Variants in CACNA1G observed in about 807,000 individuals in gnomAD.
The protein encoded by CACNA1G is calcium voltage-gated channel subunit alpha1 G.
Under a neutral mutation model 219.4 loss-of-function variants are expected in CACNA1G, and 67 were observed. That is an observed-to-expected ratio of 0.31 (90% CI 0.25 to 0.37). CACNA1G has a LOEUF of 0.37. Ranked by LOEUF, CACNA1G falls within the 10% of genes least tolerant of loss-of-function variation. The probability of loss-of-function intolerance (pLI) is 1.00; values close to 1 mark genes in which losing one functional copy is unlikely to be tolerated. For missense variants in CACNA1G, 2,380 were observed against 3,231.4 expected (o/e 0.74, Z 6.39); for synonymous variants, 1,296 against 1,345.3 (o/e 0.96, Z 0.80).
rs779669179 is a variant in CACNA1G at position 50,592,034 on chromosome 17, G to T, written c.2852G>T (p.Gly951Val). Residue 951 changes from glycine to valine, a missense_variant, in exon 13 of 38, where the codon GGC (glycine) becomes GTC (valine). Gly to Val is a moderately radical substitution (Grantham distance 109). Around this residue, in one of 17 missense-constraint regions of CACNA1G, gnomAD observed 43 missense variants for 139.4 expected, o/e 0.31. Coordinates refer to ENST00000359106, the MANE Select transcript of CACNA1G (RefSeq NM_018896.5). ...ALYFIALMTFGNYVLFNLLVA... is the reference protein window; with the variant it reads ...ALYFIALMTFVNYVLFNLLVA... The stretch of plus-strand genomic sequence containing the variant: ...TATTTCATTGCCCTCATGACCTTCG[G>T]CAACTACGTGCTCTTCAATTTGCTG... 1 of 1,613,964 alleles carries T rather than the reference G, an allele frequency of 6.2e-7. No homozygotes were observed. The highest frequency in any genetic ancestry group is 1.1e-5 in the South Asian group (1 of 91,082).
chr17:50,590,318 G>T (rs1163349927), intron 9 of CACNA1G, among the ~76,000 whole-genome samples, 153 bp from the exon 10 acceptor site: 4 of 152,090 alleles, frequency 2.6e-5, no homozygotes, highest in Non-Finnish European at 5.9e-5. Context: ...AGCCTTTGGG[G>T]CAGGGTCCTC....
chr17:50,592,234 G>A, intron 13 of CACNA1G, 142 bp downstream of exon 13: 2 of 835,656 alleles, frequency 2.4e-6, no homozygotes, highest in Non-Finnish European at 3.6e-6. Context: ...CTAAGCCGGG[G>A]TGGACCAGGG....
intron 9 of CACNA1G, among the ~76,000 whole-genome samples, chr17:50,580,766 G>A (rs2041785837): frequency 6.6e-6 from 1 of 152,188 alleles, no homozygotes; most frequent in African/African-American, 2.4e-5. Flanking sequence ...GGGCCCCATG[G>A]GGGTGAGCGG....
In CACNA1G at chr17:50,624,344, T is replaced by A. The variant is rs1252850639; in HGVS notation, c.6230-16T>A. On this transcript the variant is annotated splice_polypyrimidine_tract_variant and intron_variant, in intron 36 of 37. Coordinates refer to ENST00000359106, the MANE Select transcript of CACNA1G (RefSeq NM_018896.5). ...TTCTCTCCCCCCACCCCTCCCCCGC[T>A]TCCCTCCCTCCACAGGCTCCGTCTT... 1.8e-5 allele frequency: 11 copies of A among 620,986 alleles called. No homozygotes were observed. Among genetic ancestry groups the A allele is most frequent in the Non-Finnish European group, 2.6e-5 (11 of 424,960 alleles). 38.5% of individuals were successfully genotyped at this position (620,986 alleles called of 1,614,324 possible).
chr17:50,619,413 T>G (rs1305618668), intron 33 of CACNA1G, among the ~76,000 whole-genome samples: 1 of 152,040 alleles, frequency 6.6e-6, no homozygotes, highest in African/African-American at 2.4e-5. Context: ...TTTACCGCTC[T>G]CTCTCTCTCC....
rs1438136218 is a variant in CACNA1G, at chr17:50,578,292, G to T, written c.2029G>T (p.Glu677Ter). Residue 677 changes from glutamate to a stop codon, truncating the protein, a stop_gained, in exon 9 of 38, where the codon GAG (glutamate) becomes TAG (stop). Transcript: ENST00000359106. LOFTEE classifies it high-confidence loss of function. This position sits in a 1 kb window ranked among gnomAD's most constrained non-coding sequence, Gnocchi z 4.5. ...CTACTGTGCCCGGGCCGGGGCAGGGGAGGTGGAGCTCGCCGACCGTGAAAT... is the reference window on the plus strand; with the variant it reads ...CTACTGTGCCCGGGCCGGGGCAGGGTAGGTGGAGCTCGCCGACCGTGAAAT... ...CPYCARAGAG[E>*]VELADREMPD... The T allele has an allele frequency of 6.2e-7, 1 of 1,613,070 alleles. No homozygotes were observed. Among genetic ancestry groups the T allele is most frequent in the Non-Finnish European group, 8.5e-7 (1 of 1,179,880 alleles).
rs1204223979 is a variant in CACNA1G at position 50,626,412 on chromosome 17, G to C, written c.6795G>C (p.Gln2265His). The change falls in exon 38 of 38, where the codon CAG becomes CAC. Residue 2265 changes from glutamine (Q) to histidine (H), a missense_variant. Around this residue, in one of 17 missense-constraint regions of CACNA1G, gnomAD observed 672 missense variants for 670.5 expected, o/e 1.00. Coordinates refer to ENST00000359106, the MANE Select transcript of CACNA1G (RefSeq NM_018896.5). This position sits in a 1 kb window ranked among gnomAD's most constrained non-coding sequence, Gnocchi z 4.3. The part of the protein sequence containing the change: ...QRRPTSWLDE[Q>H]RRHSIAVSCL... The stretch of plus-strand genomic sequence containing the variant: ...GGCCTACGTCCTGGCTGGATGAGCA[G>C]AGGAGACACTCTATCGCCGTCAGCT... 6.8e-6 allele frequency: 11 copies of C among 1,610,798 alleles called. No individual in the cohort carries two copies. Among genetic ancestry groups the C allele is most frequent in the Admixed American group, 1.7e-5 (1 of 59,748 alleles).
intron 9 of CACNA1G, among the ~76,000 whole-genome samples, chr17:50,587,341 G>A (rs775324005): frequency 6.6e-6 from 1 of 152,196 alleles, no homozygotes; most frequent in Non-Finnish European, 1.5e-5. Flanking sequence ...TGAGCAGGGA[G>A]GAAATGAAAT....
intron 1 of CACNA1G, among the ~76,000 whole-genome samples, chr17:50,562,389 G>C (rs1413175655): frequency 6.6e-6 from 1 of 152,156 alleles, no homozygotes; most frequent in East Asian, 1.9e-4. Context: ...TGTCAGGGGC[G>C]CAGAATGAGA....
Position 50,602,791 on chromosome 17 carries a change from G to T in CACNA1G, c.3916-29G>T. ...GGCCCAAGGGTGGGGGCTTCCTGGC[G>T]GGCAACCCCTGCCTCCCCTCTCTTG... is the stretch of plus-strand genomic sequence containing the variant. On this transcript the variant is annotated intron_variant, in intron 19 of 37. Transcript: ENST00000359106. The T allele has an allele frequency of 1.2e-6, 2 of 1,608,746 alleles. 1 individual carries two copies. Among genetic ancestry groups the T allele is most frequent in the South Asian group, 2.2e-5 (2 of 90,762 alleles).
chr17:50,619,945 G>A (rs2051411228), intron 34 of CACNA1G, 119 bp downstream of exon 34: 1 of 1,038,976 alleles, frequency 9.6e-7, no homozygotes, highest in Non-Finnish European at 1.3e-6. Context: ...AGAAAGTGCA[G>A]CCTTGGAGCC....
chr17:50,605,251 G>T (rs139775306), intron 22 of CACNA1G, among the ~76,000 whole-genome samples: 62 of 152,272 alleles, frequency 4.1e-4, no homozygotes, highest in African/African-American at 1.4e-3. Flanking sequence ...TTCACTAGTG[G>T]TCATAGCCTG....
At chr17:50,610,051 A>G in intron 26 of CACNA1G, 116 bp downstream of exon 26, 1 of 1,002,700 alleles carries the variant, frequency 1.0e-6, no homozygotes, top group East Asian at 2.6e-5. Context: ...GGGGCCCCCA[A>G]GAGGGCAGGG....
chr17:50,617,993 G>C lies in CACNA1G; in HGVS notation c.5227-55G>C. ...GCTTTCCAGAGGGAAGGGGCTCAGA[G>C]AAGCTGACTGGGAGACCCAGCGGCA... On this transcript the variant is annotated intron_variant, in intron 30 of 37. Transcript: ENST00000359106. This position sits in a 1 kb window ranked among gnomAD's most constrained non-coding sequence, Gnocchi z 5.8. 1.2e-6 allele frequency: 2 copies of C among 1,613,020 alleles called. No individual in the cohort carries two copies. The highest frequency in any genetic ancestry group is 2.2e-5 in the South Asian group (2 of 91,064).
At chr17:50,565,137 ACACACGCG>A (rs1200449501) in intron 1 of CACNA1G, among the ~76,000 whole-genome samples, 4 of 136,436 alleles carry the variant, frequency 2.9e-5, no homozygotes, top group African/African-American at 1.3e-4. Flanking sequence ...GCGCGCACAC[ACACACGCG>A]CACACACACA....
At chr17:50,583,814 A>T (rs906324534) in intron 9 of CACNA1G, among the ~76,000 whole-genome samples, 104 of 152,120 alleles carry the variant, frequency 6.8e-4, no homozygotes, top group Non-Finnish European at 5.4e-4. Context: ...GCAGTGATTG[A>T]TGTTAGCCCA....
chr17:50,596,293 G>A lies in CACNA1G; in HGVS notation c.2980-269G>A, dbSNP rs1375735058. Among the ~76,000 whole-genome samples, 1 of 152,224 alleles carries A rather than the reference G, an allele frequency of 6.6e-6. No homozygotes were observed. The highest frequency in any genetic ancestry group is 2.4e-5 in the African/African-American group (1 of 41,456). ...CCTTCTCTCCCCAGCCAGCCTTGGT[G>A]ACCGTTCAGCCAGGCTGGTTGTGCT... is the stretch of plus-strand genomic sequence containing the variant. On this transcript the variant is annotated intron_variant, in intron 14 of 37. Coordinates refer to ENST00000359106, the MANE Select transcript of CACNA1G (RefSeq NM_018896.5). This position sits in a 1 kb window ranked among gnomAD's most constrained non-coding sequence, Gnocchi z 4.8.
chr17:50,579,132 G>A (rs2041359337), intron 9 of CACNA1G, among the ~76,000 whole-genome samples: 1 of 152,152 alleles, frequency 6.6e-6, no homozygotes, highest in African/African-American at 2.4e-5. Context: ...GGCAGCTCAG[G>A]GTGGATGAGA....
In CACNA1G at chr17:50,561,372, C is replaced by T. The variant is rs1438326093; in HGVS notation, c.-88C>T. 1.3e-6 allele frequency: 2 copies of T among 1,512,310 alleles called. No homozygotes were observed. The highest frequency in any genetic ancestry group is 1.2e-5 in the South Asian group (1 of 83,260). The allele number at this position is 1,512,310 out of a possible 1,614,324, so 93.7% of individuals were successfully genotyped here. A position where few individuals can be genotyped will look rare whatever the true frequency, so the allele number is the denominator to read the frequency against. On this transcript the variant is annotated 5_prime_UTR_variant, in exon 1 of 38. Transcript: ENST00000359106. ...TAGAGCCCACCAGATGTGCCCCCGC[C>T]GGGGCCCCCGGGTTGCGTGAGGACA...
Sources: allele counts gnomAD v4.1 joint callset (sites outside exome capture counted in the v4.1 genomes callset), GRCh38; gene constraint gnomAD v4.1.1; regional missense constraint gnomAD v4.1.1; non-coding constraint Gnocchi (gnomAD v3.1); transcripts MANE v1.5; gene names NCBI Gene and HGNC (gene_info 2026-07-23, HGNC 2026-07-21).